ARSG: variants seen among roughly 807,000 people sequenced by gnomAD.
ARSG encodes the protein arylsulfatase G, also known as ASG.
Under a neutral mutation model 50.5 loss-of-function variants are expected in ARSG, and 37 were observed. The ratio of observed to expected loss-of-function variants is 0.73; its 90% CI spans 0.56 to 0.96. ARSG has a LOEUF of 0.96. Among genes scored for constraint, ARSG ranks in the 50% least tolerant of loss-of-function variants. The pLI is 0.00. For missense variants in ARSG, 629 were observed against 675.3 expected (o/e 0.93, Z 0.76); for synonymous variants, 225 against 254.6 (o/e 0.88, Z 1.11).
At chr17:68,417,906 A>G (rs751404148) in intron 11 of ARSG, among the ~76,000 whole-genome samples, 5 of 151,374 alleles carry the variant, frequency 3.3e-5, no homozygotes. Context: ...AATTTTTTAT[A>G]TTTTTAGTAG....
intron 2 of ARSG, among the ~76,000 whole-genome samples, chr17:68,313,204 T>A (rs1555767339): frequency 6.6e-6 from 1 of 152,044 alleles, no homozygotes. Context: ...GAGATTGCAG[T>A]GAGCCGAGAT....
At chr17:68,379,987 A>G (rs67340893) in intron 8 of ARSG, 208,603 of 519,094 alleles carry the variant, frequency 0.4, 42,683 homozygotes, top group East Asian at 0.41. Flanking sequence ...TTTGAACTGC[A>G]TGGGTCCACG....
At chr17:68,331,237 C>CTTTCTTTCTTTCTTTCTTTCTTTT in intron 2 of ARSG, among the ~76,000 whole-genome samples, 1 of 72,792 alleles carries the variant, frequency 1.4e-5, no homozygotes, top group Non-Finnish European at 2.8e-5. Context: ...TTCTTTGTTT[C>CTTTCTTTCTTTCTTTCTTTCTTTT]TTTCTTTCTT....
intron 2 of ARSG, among the ~76,000 whole-genome samples, chr17:68,330,587 G>T (rs190994413): frequency 4.6e-5 from 7 of 152,286 alleles, no homozygotes; most frequent in East Asian, 1.9e-4. Context: ...GTGACAGGGT[G>T]GGGGGTGCTA....
chr17:68,361,723 C>G (rs968597921), intron 6 of ARSG, among the ~76,000 whole-genome samples: 9 of 152,040 alleles, frequency 5.9e-5, no homozygotes, highest in African/African-American at 7.2e-5. Context: ...TCGAGATCAG[C>G]CTGGCCAACA....
In ARSG at chr17:68,343,671, C is replaced by G. The variant is rs781555327; in HGVS notation, c.286C>G (p.Leu96Val). 1.2e-6 allele frequency: 2 copies of G among 1,614,190 alleles called. No homozygotes were observed. The highest frequency in any genetic ancestry group is 1.3e-5 in the African/African-American group (1 of 75,062). Residue 96 changes from leucine (L) to valine (V), a missense_variant, in exon 3 of 12, where the codon CTT (leucine) becomes GTT (valine). By Grantham distance (32) the Leu-to-Val change is conservative. Coordinates refer to ENST00000621439, the MANE Select transcript of ARSG (RefSeq NM_001267727.2). ...CCGGGCTTCCTTGCTCACCGGCCGG[C>G]TTGGCCTTCGCAATGGAGTCACACG... The part of the protein sequence containing the change: ...PSRASLLTGR[L>V]GLRNGVTRNF...
At chr17:68,419,415 A>C (rs763768213) in intron 11 of ARSG, among the ~76,000 whole-genome samples, 17 of 152,032 alleles carry the variant, frequency 1.1e-4, no homozygotes, top group Admixed American at 2.6e-4. Flanking sequence ...ATCTCTACTA[A>C]AAATACAAAA....
At chr17:68,317,265 C>T (rs2077102713) in intron 2 of ARSG, among the ~76,000 whole-genome samples, 1 of 152,080 alleles carries the variant, frequency 6.6e-6, no homozygotes, top group South Asian at 2.1e-4. Context: ...CCTAAAATCC[C>T]ACAGCCTTAA....
rs1267084634 is a variant in ARSG at position 68,367,702 on chromosome 17, T to C, written c.705-846T>C. Among the ~76,000 whole-genome samples, 1 of 152,214 alleles carries C rather than the reference T, an allele frequency of 6.6e-6. No individual in the cohort carries two copies. Among genetic ancestry groups the C allele is most frequent in the East Asian group, 1.9e-4 (1 of 5,198 alleles). ...CAAGGCCTCTGACAGATCCCTGATC[T>C]AGATGTTACCTGGTGGTCATATGTG... On this transcript the variant is annotated intron_variant, in intron 6 of 11. Transcript: ENST00000621439. The surrounding 1 kb of genome is among the most constrained non-coding windows in gnomAD (Gnocchi z 4.5).
chr17:68,293,492 CTAATAA>C (rs10570607), intron 1 of ARSG, among the ~76,000 whole-genome samples: 35 of 150,648 alleles, frequency 2.3e-4, no homozygotes, highest in East Asian at 1.2e-3. Flanking sequence ...GAGCATGATT[CTAATAA>C]TAATAATAAT....
the ARSG span, chr17:68,436,297 A>G: frequency 7.9e-7 from 1 of 1,266,470 alleles, no homozygotes; most frequent in Admixed American, 1.7e-5. Flanking sequence ...CCAGCCCCCG[A>G]CGGCAGGGCG....
Position 68,420,595 on chromosome 17 carries a change from C to CATAT in ARSG, c.*133_*136dup, listed in dbSNP as rs2082711180. On this transcript the variant is annotated 3_prime_UTR_variant, in exon 12 of 12. Transcript: ENST00000621439. ...GAGTTTAGTTTTGGAGTTAGCCTTG[C>CATAT]ATATCCCTTCTGTATCCTGTCCCTC... 5 of 1,073,036 alleles carry CATAT rather than the reference C, an allele frequency of 4.7e-6. No individual in the cohort carries two copies. The Admixed American group carries it at 6.5e-5, about 14-fold the overall frequency. 66.5% of individuals were successfully genotyped at this position (1,073,036 alleles called of 1,614,324 possible). A position where few individuals can be genotyped will look rare whatever the true frequency, so the allele number is the denominator to read the frequency against.
chr17:68,428,752 C>T, the ARSG span: 2 of 1,143,900 alleles, frequency 1.7e-6, no homozygotes, highest in African/African-American at 1.5e-5. Context: ...GGCACTGAAG[C>T]TTGTCGTTCT....
intron 11 of ARSG, among the ~76,000 whole-genome samples, chr17:68,405,805 A>G (rs2081684230): frequency 6.6e-6 from 1 of 152,116 alleles, no homozygotes; most frequent in Non-Finnish European, 1.5e-5. Flanking sequence ...TTTAAAGTCT[A>G]TTTTGTATGA....
chr17:68,263,383 A>G (rs1330262423), intron 1 of ARSG, among the ~76,000 whole-genome samples: 2 of 152,260 alleles, frequency 1.3e-5, no homozygotes, highest in African/African-American at 4.8e-5. Flanking sequence ...TCTTTTATCA[A>G]TGCAATGTAT....
rs115855439 is a variant in ARSG, at chr17:68,274,529, A to G, written c.-552+15103A>G. On this transcript the variant is annotated intron_variant, in intron 1 of 11. Coordinates refer to the ARSG transcript ENST00000448504. The stretch of plus-strand genomic sequence containing the variant: ...AAGTCAGTGCAGGAATTATTTTACT[A>G]TTTGTTCAAATTCAACACGATTTGT... 3.3e-3 allele frequency: 500 copies of G among 152,912 alleles called. 6 individuals carry two copies. Among genetic ancestry groups the G allele is most frequent in the Middle Eastern group, 0.017 (5 of 294 alleles). The allele number at this position is 152,912 out of a possible 1,614,324, so 9.5% of individuals were successfully genotyped here.
chr17:68,291,335 C>G (rs1272681657), upstream of ARSG: 3 of 145,098 alleles, frequency 2.1e-5, no homozygotes, highest in African/African-American at 5.0e-5. Flanking sequence ...CGACCCGGGC[C>G]GTGCGTGCTG....
intron 2 of ARSG, among the ~76,000 whole-genome samples, chr17:68,342,513 C>G (rs2078316351): frequency 6.6e-6 from 1 of 151,758 alleles, no homozygotes; most frequent in Non-Finnish European, 1.5e-5. Context: ...GCCACCACAC[C>G]CAGCTAATTT....
chr17:68,413,762 C>T (rs930240697), intron 11 of ARSG: 25 of 160,810 alleles, frequency 1.6e-4, no homozygotes, highest in Non-Finnish European at 2.4e-4. Flanking sequence ...TAGCAATCAG[C>T]GAGACTCCGT....
Sources: allele counts gnomAD v4.1 joint callset (sites outside exome capture counted in the v4.1 genomes callset), GRCh38; gene constraint gnomAD v4.1.1; non-coding constraint Gnocchi (gnomAD v3.1); transcripts MANE v1.5; gene names NCBI Gene and HGNC (gene_info 2026-07-23, HGNC 2026-07-21).